The following PHACTR1 variants were observed in gnomAD, a reference collection of about 807,000 sequenced individuals.
PHACTR1 encodes phosphatase and actin regulator 1, also known as RPEL repeat containing 1.
PHACTR1 carries 16 observed loss-of-function variants against 69.2 expected under a neutral mutation model. The observed-to-expected ratio is 0.23, with a 90% CI of 0.16 to 0.35. The LOEUF (loss-of-function observed/expected upper bound fraction) is 0.35, where lower values mean the gene tolerates loss of function less well. Ranked by LOEUF, PHACTR1 falls within the 10% of genes least tolerant of loss-of-function variation. The pLI is 1.00. For missense variants in PHACTR1, 510 were observed against 734.7 expected, an observed-to-expected ratio of 0.69 and a Z score of 3.54; for synonymous variants, 312 against 284.5, an observed-to-expected ratio of 1.10 and a Z score of -0.97.
intron 4 of PHACTR1, among the ~76,000 whole-genome samples, chr6:12,828,953 G>T (rs1777108570): frequency 6.6e-6 from 1 of 152,136 alleles, no homozygotes; most frequent in South Asian, 2.1e-4. Flanking sequence ...CAAAAATCTA[G>T]AAGAGAGGAT....
intron 4 of PHACTR1, among the ~76,000 whole-genome samples, chr6:12,755,726 A>C (rs1189662044): frequency 6.6e-6 from 1 of 152,200 alleles, no homozygotes; most frequent in African/African-American, 2.4e-5. Context: ...GAGAGTGAGG[A>C]AACTAAATAC....
At chr6:12,817,863 G>A (rs980176224) in intron 4 of PHACTR1, among the ~76,000 whole-genome samples, 12 of 147,166 alleles carry the variant, frequency 8.2e-5, no homozygotes, top group Admixed American at 2.1e-4. Context: ...TTGCACTGTC[G>A]CCCAGCCTGG....
At chr6:12,878,872 C>T (rs1024779106) in intron 4 of PHACTR1, among the ~76,000 whole-genome samples, 8 of 152,198 alleles carry the variant, frequency 5.3e-5, no homozygotes, top group South Asian at 4.2e-4. Flanking sequence ...GATAAAGAGG[C>T]GTGAGACAGA....
At chr6:12,893,568 T>C (rs1750061319) in intron 4 of PHACTR1, among the ~76,000 whole-genome samples, 1 of 152,144 alleles carries the variant, frequency 6.6e-6, no homozygotes, top group African/African-American at 2.4e-5. Context: ...TTCTTCCTCC[T>C]CCCTTGGACC....
chr6:12,789,055 C>T (rs769959214), intron 4 of PHACTR1, among the ~76,000 whole-genome samples: 4 of 152,150 alleles, frequency 2.6e-5, no homozygotes, highest in Non-Finnish European at 4.4e-5. Flanking sequence ...TTTCTTTGTT[C>T]TTCTTTTGTA....
intron 7 of PHACTR1, among the ~76,000 whole-genome samples, chr6:13,191,272 T>C (rs944136363): frequency 6.6e-6 from 1 of 152,184 alleles, no homozygotes; most frequent in Non-Finnish European, 1.5e-5. Flanking sequence ...CATAGAAGTC[T>C]CTCTTGGTAA....
intron 4 of PHACTR1, among the ~76,000 whole-genome samples, chr6:12,916,846 C>A (rs989252426): frequency 6.6e-6 from 1 of 152,156 alleles, no homozygotes; most frequent in Non-Finnish European, 1.5e-5. Flanking sequence ...TGATTAATAA[C>A]TAATAAATCT....
At chr6:12,885,577 G>A (rs377716548) in intron 4 of PHACTR1, among the ~76,000 whole-genome samples, 49 of 152,256 alleles carry the variant, frequency 3.2e-4, no homozygotes, top group African/African-American at 1.1e-3. Context: ...CTCTCTGGCC[G>A]TCCCCTTACA....
intron 4 of PHACTR1, among the ~76,000 whole-genome samples, chr6:12,829,042 A>C (rs2127723530): frequency 6.6e-6 from 1 of 152,302 alleles, no homozygotes; most frequent in Non-Finnish European, 1.5e-5. Flanking sequence ...ATACACGTGT[A>C]TTGAAATATC....
chr6:13,229,874 G>A (rs537963468), intron 9 of PHACTR1, among the ~76,000 whole-genome samples, 163 bp from the exon 10 acceptor site: 1 of 152,354 alleles, frequency 6.6e-6, no homozygotes, highest in Non-Finnish European at 1.5e-5. Flanking sequence ...GGGGTAGAGT[G>A]TGTGGCAATG....
At chr6:12,722,511 T>G (rs1209111275) in intron 3 of PHACTR1, among the ~76,000 whole-genome samples, 2 of 152,200 alleles carry the variant, frequency 1.3e-5, no homozygotes, top group Non-Finnish European at 2.9e-5. Flanking sequence ...TTCCCTTGAA[T>G]AGAGGACGTT....
rs989547151 is a variant in PHACTR1 at position 13,073,773 on chromosome 6, G to A, written c.415+20244G>A. Among the ~76,000 whole-genome samples the A allele has an allele frequency of 4.6e-5, 7 of 152,054 alleles. No individual in the cohort carries two copies. In the South Asian group the frequency reaches 6.2e-4, roughly 14 times the overall value. ...ATAGATGGGACCAGATGACACACAA[G>A]CCCCTTTTTTTCATATTAGGGATTC... is the stretch of plus-strand genomic sequence containing the variant. On this transcript the variant is annotated intron_variant, in intron 5 of 14. Coordinates refer to ENST00000332995, the MANE Select transcript of PHACTR1 (RefSeq NM_030948.6).
chr6:13,225,705 T>C (rs1769525626), intron 8 of PHACTR1, among the ~76,000 whole-genome samples: 1 of 152,210 alleles, frequency 6.6e-6, no homozygotes, highest in African/African-American at 2.4e-5. Flanking sequence ...AACAAGAATC[T>C]ATTGACTGCT....
At chr6:13,009,527 G>A (rs1366447309) in intron 4 of PHACTR1, among the ~76,000 whole-genome samples, 1 of 152,076 alleles carries the variant, frequency 6.6e-6, no homozygotes, top group East Asian at 1.9e-4. Flanking sequence ...AAGAGTTAAA[G>A]CACTTTTGTG....
intron 3 of PHACTR1, among the ~76,000 whole-genome samples, chr6:12,736,948 A>T (rs958371592): frequency 2.0e-5 from 3 of 152,130 alleles, no homozygotes; most frequent in African/African-American, 4.8e-5. Context: ...CGCACATAAA[A>T]TATATACACA....
Position 13,059,921 on chromosome 6 carries a change from A to G in PHACTR1, c.415+6392A>G, listed in dbSNP as rs192300129. 4.3e-3 allele frequency among the ~76,000 whole-genome samples: 652 copies of G among 152,284 alleles called. 4 individuals are homozygous for G. Among genetic ancestry groups the G allele is most frequent in the Non-Finnish European group, 7.2e-3 (489 of 68,026 alleles). Reference sequence around the variant, plus strand: ...ATATATAATAATTAGAGTGATGACTAGATGTAAGATTGGCTAGGAAACAAG... The same window carrying G: ...ATATATAATAATTAGAGTGATGACTGGATGTAAGATTGGCTAGGAAACAAG... On this transcript the variant is annotated intron_variant, in intron 5 of 14. Transcript: ENST00000332995.
chr6:13,007,836 A>G (rs1368515616), intron 4 of PHACTR1, among the ~76,000 whole-genome samples: 1 of 152,066 alleles, frequency 6.6e-6, no homozygotes, highest in Non-Finnish European at 1.5e-5. Flanking sequence ...TTTATCTAAA[A>G]TGATTCCAAT....
intron 6 of PHACTR1, among the ~76,000 whole-genome samples, chr6:13,162,508 TGTTTAACTAAAGGTATAA>T (rs1759193347): frequency 6.6e-6 from 1 of 152,068 alleles, no homozygotes; most frequent in African/African-American, 2.4e-5. Flanking sequence ...AGATGGAAAA[TGTTTAACTAAAGGTATAA>T]TATTATATAA....
chr6:12,728,836 G>C (rs1459045220), intron 3 of PHACTR1, among the ~76,000 whole-genome samples: 5 of 152,122 alleles, frequency 3.3e-5, no homozygotes, highest in African/African-American at 1.2e-4. Context: ...CCACTGCTTA[G>C]AGCAAGCAGT....
Sources: allele counts gnomAD v4.1 joint callset (sites outside exome capture counted in the v4.1 genomes callset), GRCh38; gene constraint gnomAD v4.1.1; transcripts MANE v1.5; gene names NCBI Gene and HGNC (gene_info 2026-07-23, HGNC 2026-07-21).